Variants in MOB3B observed in about 807,000 individuals in gnomAD.
The protein encoded by MOB3B is MOB kinase activator-like 2B.
MOB3B carries 7 observed loss-of-function variants against 18.7 expected under a neutral mutation model. The observed-to-expected ratio is 0.37, with a 90% CI of 0.21 to 0.70. MOB3B has a LOEUF of 0.70. MOB3B is among the 30% of genes least tolerant of loss of function. The pLI is 0.52. For missense variants in MOB3B, 253 were observed against 281.3 expected, an observed-to-expected ratio of 0.90 and a Z score of 0.72; for synonymous variants, 111 against 99.9, an observed-to-expected ratio of 1.11 and a Z score of -0.66.
At chr9:27,527,709 G>A (rs373005913) in intron 1 of MOB3B, among the ~76,000 whole-genome samples, 1 of 152,228 alleles carries the variant, frequency 6.6e-6, no homozygotes, top group African/African-American at 2.4e-5. Flanking sequence ...GCTGGCAACA[G>A]CAAGTCAACT....
chr9:27,482,416 T>C (rs1010480569), intron 1 of MOB3B, among the ~76,000 whole-genome samples: 1 of 152,124 alleles, frequency 6.6e-6, no homozygotes. Context: ...ACGGCAATGT[T>C]AAAAGGAATG....
At chr9:27,496,793 C>T in intron 1 of MOB3B, among the ~76,000 whole-genome samples, 1 of 152,216 alleles carries the variant, frequency 6.6e-6, no homozygotes, top group East Asian at 1.9e-4. Flanking sequence ...TTAATGCTTT[C>T]AGCACTCCTA....
intron 2 of MOB3B, among the ~76,000 whole-genome samples, chr9:27,374,040 C>T (rs573489912): frequency 8.5e-5 from 13 of 152,308 alleles, no homozygotes; most frequent in African/African-American, 1.7e-4. Flanking sequence ...CAGCTGTAAC[C>T]GATCCAGCTG....
chr9:27,408,807 C>T (rs1378890575), intron 2 of MOB3B, among the ~76,000 whole-genome samples: 2 of 152,252 alleles, frequency 1.3e-5, no homozygotes, highest in East Asian at 1.9e-4. Flanking sequence ...GCAGTATTTC[C>T]CCTTCCTTCC....
At chr9:27,458,038 A>G (rs1819208116) in intron 1 of MOB3B, among the ~76,000 whole-genome samples, 2 of 152,318 alleles carry the variant, frequency 1.3e-5, no homozygotes, top group African/African-American at 4.8e-5. Flanking sequence ...TTGTTTTTTA[A>G]AAAAACAGAC....
chr9:27,523,204 C>T (rs1213475762), intron 1 of MOB3B, among the ~76,000 whole-genome samples: 1 of 151,902 alleles, frequency 6.6e-6, no homozygotes, highest in Non-Finnish European at 1.5e-5. Context: ...AATCCATTTG[C>T]TTTAACCATA....
chr9:27,330,009 C>CA lies in MOB3B; in HGVS notation c.*577dup, dbSNP rs1820763730. 1 of 152,282 alleles carries CA rather than the reference C, an allele frequency of 6.6e-6. No homozygotes were observed. Among genetic ancestry groups the CA allele is most frequent in the Non-Finnish European group, 1.5e-5 (1 of 68,166 alleles). The allele number at this position is 152,282 out of a possible 1,614,324, so 9.4% of individuals were successfully genotyped here. On this transcript the variant is annotated 3_prime_UTR_variant, in exon 4 of 4. Coordinates refer to ENST00000262244, the MANE Select transcript of MOB3B (RefSeq NM_024761.5). ...CCTCGGCAGGGAGAGTAGGGAGGTG[C>CA]AGGGGATGGGTAGGGGTTCAGGTGT...
At chr9:27,527,391 G>C (rs1443279746) in intron 1 of MOB3B, among the ~76,000 whole-genome samples, 1 of 152,076 alleles carries the variant, frequency 6.6e-6, no homozygotes, top group Admixed American at 6.6e-5. Context: ...TGGTTCCACC[G>C]TTGGGAAGGT....
intron 2 of MOB3B, among the ~76,000 whole-genome samples, chr9:27,368,827 C>A (rs1055013207): frequency 6.6e-6 from 1 of 152,178 alleles, no homozygotes; most frequent in Non-Finnish European, 1.5e-5. Context: ...CCCCAAGGAG[C>A]AACCATGAGT....
rs1984007 is a variant in MOB3B, at chr9:27,329,624, T to C, written c.*963A>G. The C allele has an allele frequency of 0.61, 93,396 of 152,402 alleles. 29,177 individuals carry two copies. Among genetic ancestry groups the C allele is most frequent in the Non-Finnish European group, 0.69 (46,609 of 67,958 alleles). 9.4% of individuals were successfully genotyped at this position (152,402 alleles called of 1,614,324 possible). On this transcript the variant is annotated 3_prime_UTR_variant, in exon 4 of 4. Coordinates refer to ENST00000262244, the MANE Select transcript of MOB3B (RefSeq NM_024761.5). ...AAATCTACACGTACCAAATAACCAA[T>C]TGTACTTTTTTCACTGAAATGTTAG... is the stretch of plus-strand genomic sequence containing the variant.
chr9:27,427,521 T>C (rs1453062207), intron 2 of MOB3B, among the ~76,000 whole-genome samples: 3 of 152,230 alleles, frequency 2.0e-5, no homozygotes, highest in Admixed American at 1.3e-4. Flanking sequence ...CAGGTAGTCA[T>C]GCCTCTGGGA....
At chr9:27,525,656 A>C (rs183709541) in intron 1 of MOB3B, among the ~76,000 whole-genome samples, 18 of 152,278 alleles carry the variant, frequency 1.2e-4, no homozygotes, top group Admixed American at 7.8e-4. Context: ...TTCCTGATGT[A>C]TATTGTTTGA....
intron 2 of MOB3B, among the ~76,000 whole-genome samples, chr9:27,404,153 T>G: frequency 6.6e-6 from 1 of 151,984 alleles, no homozygotes; most frequent in East Asian, 1.9e-4. Flanking sequence ...ACCCTTTTTT[T>G]TTCTTTTTGG....
At chr9:27,356,105 A>G (rs1263204331) in intron 3 of MOB3B, among the ~76,000 whole-genome samples, 1 of 152,188 alleles carries the variant, frequency 6.6e-6, no homozygotes, top group Non-Finnish European at 1.5e-5. Context: ...AAACATTCTT[A>G]ATATCTATTT....
chr9:27,481,511 GTT>G (rs536716885), intron 1 of MOB3B, among the ~76,000 whole-genome samples: 14 of 69,722 alleles, frequency 2.0e-4, no homozygotes, highest in East Asian at 1.3e-3. Flanking sequence ...TTTTTTTTTT[GTT>G]TTTTTTGTTT....
At chr9:27,460,594 C>T (rs1361107570) in intron 1 of MOB3B, among the ~76,000 whole-genome samples, 1 of 152,102 alleles carries the variant, frequency 6.6e-6, no homozygotes, top group Non-Finnish European at 1.5e-5. Flanking sequence ...CTCTAAGAGA[C>T]CTTGGTGGTA....
chr9:27,389,264 T>A (rs1821692325), intron 2 of MOB3B, among the ~76,000 whole-genome samples: 1 of 152,100 alleles, frequency 6.6e-6, no homozygotes, highest in African/African-American at 2.4e-5. Flanking sequence ...AATCTGTGTT[T>A]TCACAAGCTC....
chr9:27,489,054 G>C (rs1325623823), intron 1 of MOB3B, among the ~76,000 whole-genome samples: 1 of 152,216 alleles, frequency 6.6e-6, no homozygotes, highest in Admixed American at 6.5e-5. Flanking sequence ...TCCCACGGTA[G>C]TTTTAGAAAA....
At chr9:27,448,878 C>T (rs1423105831) in intron 2 of MOB3B, among the ~76,000 whole-genome samples, 1 of 152,168 alleles carries the variant, frequency 6.6e-6, no homozygotes, top group Non-Finnish European at 1.5e-5. Flanking sequence ...TCTGCAAACA[C>T]TTTTCCCATC....
Sources: allele counts gnomAD v4.1 joint callset (sites outside exome capture counted in the v4.1 genomes callset), GRCh38; gene constraint gnomAD v4.1.1; transcripts MANE v1.5; gene names NCBI Gene and HGNC (gene_info 2026-07-23, HGNC 2026-07-21).